Variants in ADGRL3 observed in about 807,000 individuals in gnomAD.
ADGRL3 encodes adhesion G protein-coupled receptor L3.
Under a neutral mutation model 153.5 loss-of-function variants are expected in ADGRL3, and 62 were observed. The observed-to-expected ratio is 0.40, with a 90% CI of 0.33 to 0.50. ADGRL3 has a LOEUF of 0.50. Among genes scored for constraint, ADGRL3 ranks in the 20% least tolerant of loss-of-function variants. The pLI is 0.47. For missense variants in ADGRL3, 1,641 were observed against 1,859.4 expected (o/e 0.88, Z 2.16); for synonymous variants, 710 against 672.5 (o/e 1.06, Z -0.86).
At chr4:61,370,970 T>G (rs1424409471) in intron 1 of ADGRL3, among the ~76,000 whole-genome samples, 2 of 151,000 alleles carry the variant, frequency 1.3e-5, no homozygotes, top group African/African-American at 2.4e-5. Context: ...AATTGATCCC[T>G]TTACCATTAT....
At chr4:61,620,750 C>T (rs1174143478) in intron 5 of ADGRL3, among the ~76,000 whole-genome samples, 1 of 144,890 alleles carries the variant, frequency 6.9e-6, no homozygotes, top group East Asian at 2.1e-4. Flanking sequence ...AAGCGATTCT[C>T]CTGCCTCAGC....
intron 2 of ADGRL3, among the ~76,000 whole-genome samples, chr4:61,450,629 G>A (rs1531204): frequency 0.93 from 141,927 of 152,150 alleles, 67,021 homozygotes; most frequent in East Asian, 1. Flanking sequence ...TTTAAATGCA[G>A]TTGCTTATTA....
rs955772323 is a variant in ADGRL3, at chr4:61,568,118, G to A, written c.260-19109G>A. On this transcript the variant is annotated intron_variant, in intron 4 of 26. Transcript: ENST00000683033. ...TTATCTTTGAATCTAGCAATTATGT[G>A]ATTATTGTATTATCTGATTTCATCG... Among the ~76,000 whole-genome samples, 13 of 151,852 alleles carry A rather than the reference G, an allele frequency of 8.6e-5. 1 individual carries two copies. Among genetic ancestry groups the A allele is most frequent in the African/African-American group, 3.1e-4 (13 of 41,334 alleles).
At chr4:61,975,417 G>A (rs2099044477) in intron 17 of ADGRL3, among the ~76,000 whole-genome samples, 1 of 152,112 alleles carries the variant, frequency 6.6e-6, no homozygotes, top group African/African-American at 2.4e-5. Context: ...AAAGAACAGA[G>A]CAGGTCAATG....
At chr4:61,936,684 T>C (rs1363409701) in intron 15 of ADGRL3, among the ~76,000 whole-genome samples, 1 of 151,850 alleles carries the variant, frequency 6.6e-6, no homozygotes, top group Non-Finnish European at 1.5e-5. Flanking sequence ...TATATGTATG[T>C]ATAGATGTGT....
chr4:61,481,368 C>G (rs1161604318), intron 2 of ADGRL3, among the ~76,000 whole-genome samples: 3 of 152,052 alleles, frequency 2.0e-5, no homozygotes, highest in Non-Finnish European at 4.4e-5. Context: ...TTCTCAGCCT[C>G]TTTATAGGAA....
rs2095592928 is a variant in ADGRL3, at chr4:61,694,176, A to ATTTTTTTTTTT, written c.583+17243_583+17244insTTTTTTTTTTT. Among the ~76,000 whole-genome samples the ATTTTTTTTTTT allele has an allele frequency of 6.3e-5, 6 of 94,692 alleles. 2 individuals carry two copies. The highest frequency in any genetic ancestry group is 1.5e-4 in the African/African-American group (4 of 27,162). The allele number at this position is 94,692 out of a possible 152,430, so 62.1% of individuals were successfully genotyped here. A position where few individuals can be genotyped will look rare whatever the true frequency, so the allele number is the denominator to read the frequency against. ...TCCTATACTATTTTAAAATTTTGTC[A>ATTTTTTTTTTT]TTATTTTTTTTTTTTTTTTTTTTTT... is the stretch of plus-strand genomic sequence containing the variant. On this transcript the variant is annotated intron_variant, in intron 6 of 26. Transcript: ENST00000683033.
chr4:61,323,567 C>A (rs1054935444), intron 1 of ADGRL3, among the ~76,000 whole-genome samples: 2 of 152,132 alleles, frequency 1.3e-5, no homozygotes, highest in African/African-American at 4.8e-5. Context: ...CAAAGTTCCA[C>A]AAATCTCTAG....
intron 5 of ADGRL3, among the ~76,000 whole-genome samples, chr4:61,603,442 T>G (rs1291683170): frequency 1.3e-5 from 2 of 152,182 alleles, no homozygotes; most frequent in Non-Finnish European, 2.9e-5. Flanking sequence ...CAGAGCTCTT[T>G]CCAAATATAT....
intron 1 of ADGRL3, among the ~76,000 whole-genome samples, chr4:61,299,144 G>A (rs75320129): frequency 0.033 from 5,078 of 151,680 alleles, 134 homozygotes; most frequent in Non-Finnish European, 0.053. Flanking sequence ...CTACATGCCC[G>A]CCGTCCCCAT....
intron 8 of ADGRL3, among the ~76,000 whole-genome samples, chr4:61,798,106 G>A (rs988946944): frequency 1.3e-5 from 2 of 152,074 alleles, no homozygotes; most frequent in Non-Finnish European, 2.9e-5. Flanking sequence ...CACCTTATGG[G>A]CAAGTAGGGT....
At chr4:61,679,792 G>A (rs1443291641) in intron 6 of ADGRL3, among the ~76,000 whole-genome samples, 1 of 151,996 alleles carries the variant, frequency 6.6e-6, no homozygotes. Context: ...CTGTTCTTAA[G>A]AACCTAGCTG....
chr4:61,827,224 T>G (rs984993786), intron 9 of ADGRL3, among the ~76,000 whole-genome samples: 1 of 152,238 alleles, frequency 6.6e-6, no homozygotes, highest in Non-Finnish European at 1.5e-5. Flanking sequence ...AGACCGCATT[T>G]GCTGTGCCCA....
intron 21 of ADGRL3, among the ~76,000 whole-genome samples, chr4:62,009,106 T>G (rs1560500752): frequency 6.6e-6 from 1 of 152,166 alleles, no homozygotes. Flanking sequence ...TAAGGACACA[T>G]TTCTCAGAAT....
chr4:61,974,292 A>C (rs1230076603), intron 17 of ADGRL3, among the ~76,000 whole-genome samples: 2 of 152,158 alleles, frequency 1.3e-5, no homozygotes, highest in East Asian at 1.9e-4. Context: ...TTATAGCCTT[A>C]ATTTATAAGT....
intron 6 of ADGRL3, among the ~76,000 whole-genome samples, chr4:61,720,480 A>C (rs926086591): frequency 1.3e-5 from 2 of 152,218 alleles, no homozygotes; most frequent in Admixed American, 6.5e-5. Flanking sequence ...ATTTTTATTA[A>C]GAGCAGGCCA....
At chr4:61,728,774 C>T (rs546646208) in intron 6 of ADGRL3, among the ~76,000 whole-genome samples, 3 of 151,996 alleles carry the variant, frequency 2.0e-5, no homozygotes, top group South Asian at 4.1e-4. Flanking sequence ...TTTCTATCCC[C>T]AACCTCAGCC....
At chr4:61,213,000 A>G (rs935086215) in intron 1 of ADGRL3, among the ~76,000 whole-genome samples, 29 of 152,316 alleles carry the variant, frequency 1.9e-4, no homozygotes, top group African/African-American at 6.7e-4. Flanking sequence ...CTCTGAACAG[A>G]CATTTATTCA....
At chr4:61,231,726 G>A (rs1481033250) in intron 1 of ADGRL3, among the ~76,000 whole-genome samples, 1 of 151,928 alleles carries the variant, frequency 6.6e-6, no homozygotes, top group African/African-American at 2.4e-5. Context: ...ATAAGACGTC[G>A]AGGGGTGGTA....
Sources: gnomAD v4.1 joint callset for allele counts (sites outside exome capture counted in the v4.1 genomes callset) on GRCh38, gnomAD v4.1.1 for gene constraint, MANE v1.5 for transcripts, NCBI Gene and HGNC (gene_info 2026-07-23, HGNC 2026-07-21) for gene names.